Variants in PMPCB observed in about 807,000 individuals in gnomAD.
The protein encoded by PMPCB is mitochondrial-processing peptidase subunit beta.
A neutral mutation model predicts 61.5 loss-of-function variants in PMPCB; 46 were observed. The ratio of observed to expected loss-of-function variants is 0.75; its 90% CI spans 0.59 to 0.96. PMPCB has a LOEUF of 0.96. Ranked by LOEUF, PMPCB falls within the 40% of genes least tolerant of loss-of-function variation. The pLI is 0.00. For missense variants in PMPCB, 590 were observed against 602.4 expected, an observed-to-expected ratio of 0.98 and a Z score of 0.22; for synonymous variants, 191 against 201.6, an observed-to-expected ratio of 0.95 and a Z score of 0.44.
At position 103,314,338 on chromosome 7, in the gene PMPCB, C is replaced by T; in HGVS notation, c.*2067C>T. ...AGAAATCACTATTCAAAAAATGGTG[C>T]CAGCTTGCTGTTTAATGGTACAACT... On this transcript the variant is annotated 3_prime_UTR_variant, in exon 13 of 13. Coordinates refer to ENST00000249269, the MANE Select transcript of PMPCB (RefSeq NM_004279.3). The T allele has an allele frequency of 1.0e-6, 1 of 985,326 alleles. No homozygotes were observed. The highest frequency in any genetic ancestry group is 1.2e-6 in the Non-Finnish European group (1 of 829,848). 61.0% of individuals were successfully genotyped at this position (985,326 alleles called of 1,614,324 possible).
chr7:103,346,277 T>G, the PMPCB span, among the ~76,000 whole-genome samples: 14 of 152,056 alleles, frequency 9.2e-5, no homozygotes, highest in South Asian at 6.2e-4. Context: ...GGATTACAGG[T>G]GCGTGCCACC....
At chr7:103,344,090 T>C in the PMPCB span, among the ~76,000 whole-genome samples, 1 of 152,148 alleles carries the variant, frequency 6.6e-6, no homozygotes, top group East Asian at 1.9e-4. Context: ...ACACCGAGTA[T>C]GAGGAGCGGT....
intron 12 of PMPCB, among the ~76,000 whole-genome samples, chr7:103,326,276 C>T (rs1321112965): frequency 6.6e-6 from 1 of 152,042 alleles, no homozygotes; most frequent in Admixed American, 6.6e-5. Context: ...CTGTGCCCAG[C>T]CCAAGTAAAT....
chr7:103,320,584 C>T (rs1275841686), intron 12 of PMPCB, among the ~76,000 whole-genome samples: 1 of 151,080 alleles, frequency 6.6e-6, no homozygotes, highest in African/African-American at 2.4e-5. Flanking sequence ...CACAGTGAAA[C>T]CCCGTCTCTA....
At chr7:103,299,578 G>A (rs1330091891) in intron 3 of PMPCB, 49 bp downstream of exon 3, 1 of 1,064,040 alleles carries the variant, frequency 9.4e-7, no homozygotes, top group South Asian at 1.3e-5. Flanking sequence ...GAGATAATAA[G>A]CACAAAGTCT....
intron 1 of PMPCB, 97 bp from the exon 2 acceptor site, chr7:103,298,469 GAC>G (rs1486861685): frequency 8.5e-7 from 1 of 1,180,248 alleles, no homozygotes; most frequent in East Asian, 2.4e-5. Context: ...CTTTTATAGA[GAC>G]AGCCTATTTA....
downstream of PMPCB, chr7:103,316,738 T>G (rs1266690766): frequency 9.2e-7 from 1 of 1,083,298 alleles, no homozygotes; most frequent in Non-Finnish European, 1.3e-6. Flanking sequence ...CTCTGCAAGT[T>G]TCTGTGATAA....
chr7:103,317,450 TC>T (rs1326276994), downstream of PMPCB: 1 of 156,830 alleles, frequency 6.4e-6, no homozygotes, highest in Non-Finnish European at 1.4e-5. Flanking sequence ...TTTACATTGT[TC>T]CTTCTAGACT....
At chr7:103,304,088 G>C (rs761306915) in intron 5 of PMPCB, 48 bp downstream of exon 5, 3 of 1,327,422 alleles carry the variant, frequency 2.3e-6, no homozygotes, top group Admixed American at 2.0e-5. Context: ...TATGAATGTT[G>C]AAAATAAACA....
rs182542999 is a variant in PMPCB, at chr7:103,305,762, T to C, written c.736+1272T>C. Among the ~76,000 whole-genome samples the C allele has an allele frequency of 2.6e-5, 4 of 152,354 alleles. No homozygotes were observed. The East Asian group carries it at 7.7e-4, about 29-fold the overall frequency. The stretch of plus-strand genomic sequence containing the variant: ...TTATTCATTGTAGCTACCTTCATTG[T>C]ACATGGCAGGAAGTGCACTCTGAAA... On this transcript the variant is annotated intron_variant, in intron 6 of 12. Coordinates refer to ENST00000249269, the MANE Select transcript of PMPCB (RefSeq NM_004279.3).
chr7:103,337,683 C>A, the PMPCB span: 1 of 1,383,300 alleles, frequency 7.2e-7, no homozygotes, highest in African/African-American at 1.4e-5. Flanking sequence ...AAAGCATAGC[C>A]AGCCTGTTCC....
chr7:103,310,573 T>G, intron 9 of PMPCB, 98 bp downstream of exon 9: 1 of 965,410 alleles, frequency 1.0e-6, no homozygotes, highest in Admixed American at 3.0e-5. Flanking sequence ...TAATTTTACC[T>G]TTTAATTAAG....
chr7:103,305,320 G>GA (rs950077947), intron 6 of PMPCB, among the ~76,000 whole-genome samples: 10 of 149,220 alleles, frequency 6.7e-5, no homozygotes, highest in African/African-American at 1.5e-4. Flanking sequence ...GCCAGTGAAT[G>GA]AAAAAAAAAA....
At chr7:103,316,850 G>C, downstream of PMPCB, 1 of 1,613,714 alleles carries the variant, frequency 6.2e-7, no homozygotes, top group Non-Finnish European at 8.5e-7. Context: ...TTCCAGCAGG[G>C]AACAGATTCA....
chr7:103,301,592 A>C (rs1466697555), intron 4 of PMPCB, among the ~76,000 whole-genome samples: 4 of 152,196 alleles, frequency 2.6e-5, no homozygotes, highest in African/African-American at 9.6e-5. Flanking sequence ...TGGGAACGAC[A>C]GAGCTTCTGC....
intron 12 of PMPCB, chr7:103,324,848 A>G: frequency 5.3e-6 from 1 of 189,206 alleles, no homozygotes; most frequent in Non-Finnish European, 1.1e-5. Flanking sequence ...ATGCCATAGC[A>G]GCTGCTAGGC....
chr7:103,322,028 C>T, intron 12 of PMPCB: 1 of 1,613,692 alleles, frequency 6.2e-7, no homozygotes. Flanking sequence ...GTCTGACTTC[C>T]TCCTCTTCTT....
chr7:103,343,713 T>TTA, the PMPCB span, among the ~76,000 whole-genome samples: 1 of 152,198 alleles, frequency 6.6e-6, no homozygotes, highest in Non-Finnish European at 1.5e-5. Context: ...ACAACTTATT[T>TTA]TAAGATTTCC....
chr7:103,304,284 G>T, intron 5 of PMPCB, 127 bp from the exon 6 acceptor site: 2 of 683,976 alleles, frequency 2.9e-6, no homozygotes, highest in Non-Finnish European at 5.2e-6. Context: ...TCTTTGATGT[G>T]TTGCCTGTAT....
Sources: gnomAD v4.1 joint callset for allele counts (sites outside exome capture counted in the v4.1 genomes callset) on GRCh38, gnomAD v4.1.1 for gene constraint, MANE v1.5 for transcripts, NCBI Gene and HGNC (gene_info 2026-07-23, HGNC 2026-07-21) for gene names.